DGKD: variants seen among roughly 807,000 people sequenced by gnomAD.
DGKD encodes diacylglycerol kinase delta.
A neutral mutation model predicts 154.4 loss-of-function variants in DGKD; 68 were observed. The ratio of observed to expected loss-of-function variants is 0.44; its 90% confidence interval spans 0.36 to 0.54. The LOEUF (loss-of-function observed/expected upper bound fraction) is 0.54, where lower values mean the gene tolerates loss of function less well. Ranked by LOEUF, DGKD falls within the 20% of genes least tolerant of loss-of-function variation. DGKD has a pLI of 0.00. For missense variants in DGKD, 1,343 were observed against 1,593.6 expected (o/e 0.84, Z 2.68); for synonymous variants, 693 against 638.0 (o/e 1.09, Z -1.30).
intron 3 of DGKD, among the ~76,000 whole-genome samples, chr2:233,397,932 G>A (rs567339182): frequency 6.6e-6 from 1 of 152,124 alleles, no homozygotes; most frequent in Non-Finnish European, 1.5e-5. Context: ...GGGGCTGTGG[G>A]GTGGTGGGGG....
chr2:233,404,798 G>A (rs1378275947), intron 3 of DGKD, among the ~76,000 whole-genome samples: 1 of 152,162 alleles, frequency 6.6e-6, no homozygotes, highest in East Asian at 1.9e-4. Flanking sequence ...AGCAGACATT[G>A]GGTGAACGTC....
intron 1 of DGKD, among the ~76,000 whole-genome samples, chr2:233,363,629 C>G (rs990381023): frequency 2.0e-5 from 3 of 152,180 alleles, no homozygotes; most frequent in South Asian, 2.1e-4. Context: ...ACCAGTCATT[C>G]ACTCACTCAT....
chr2:233,449,486 T>TG lies in DGKD; in HGVS notation c.1888+111dup. Reference sequence around the variant, plus strand: ...GGGTGCATGTTGAGAAAACCTCCACTGCGGCCCTCTCCACCCATGTCCAGG... The same window carrying TG: ...GGGTGCATGTTGAGAAAACCTCCACTGGCGGCCCTCTCCACCCATGTCCAGG... On this transcript the variant is annotated intron_variant, in intron 15 of 29. Coordinates refer to ENST00000264057, the MANE Select transcript of DGKD (RefSeq NM_152879.3). The surrounding 1 kb of genome is among the most constrained non-coding windows in gnomAD (Gnocchi z 5.3). 7.1e-7 allele frequency: 1 copy of TG among 1,404,934 alleles called. No homozygotes were observed. The highest frequency in any genetic ancestry group is 9.4e-7 in the Non-Finnish European group (1 of 1,061,038). The allele number at this position is 1,404,934 out of a possible 1,614,324, so 87.0% of individuals were successfully genotyped here. A position where few individuals can be genotyped will look rare whatever the true frequency, so the allele number is the denominator to read the frequency against.
Position 233,459,670 on chromosome 2 carries a change from G to T in DGKD, c.2695-87G>T, listed in dbSNP as rs1389667505. 1.3e-6 allele frequency: 2 copies of T among 1,530,918 alleles called. No individual in the cohort carries two copies. Among genetic ancestry groups the T allele is most frequent in the Admixed American group, 1.9e-5 (1 of 53,686 alleles). The allele number at this position is 1,530,918 out of a possible 1,614,324, so 94.8% of individuals were successfully genotyped here. A position where few individuals can be genotyped will look rare whatever the true frequency, so the allele number is the denominator to read the frequency against. ...TGCAAGGCAGGGACGGGTGTGTGGA[G>T]CAGGAAGGTCATGGTGGTGCTGATA... is the stretch of plus-strand genomic sequence containing the variant. On this transcript the variant is annotated intron_variant, in intron 22 of 29. Coordinates refer to ENST00000264057, the MANE Select transcript of DGKD (RefSeq NM_152879.3). The surrounding 1 kb of genome is among the most constrained non-coding windows in gnomAD (Gnocchi z 5.7).
intron 24 of DGKD, among the ~76,000 whole-genome samples, chr2:233,461,154 C>T (rs918809011): frequency 1.3e-5 from 2 of 152,254 alleles, no homozygotes; most frequent in African/African-American, 2.4e-5. Flanking sequence ...CCGCCAGGTG[C>T]GGGTTCCGCC....
chr2:233,414,174 G>T (rs2061899330), intron 3 of DGKD, among the ~76,000 whole-genome samples: 2 of 152,190 alleles, frequency 1.3e-5, no homozygotes, highest in Admixed American at 6.5e-5. Flanking sequence ...AGTTAAAAAA[G>T]AACAGGGTAG....
At chr2:233,454,665 C>A in intron 18 of DGKD, 98 bp from the exon 19 acceptor site, 1 of 693,060 alleles carries the variant, frequency 1.4e-6, no homozygotes, top group East Asian at 2.6e-5. Flanking sequence ...AAAAAGTTAC[C>A]AGTTTTCCCC....
intron 1 of DGKD, among the ~76,000 whole-genome samples, chr2:233,365,430 A>T (rs964727495): frequency 6.6e-6 from 1 of 151,818 alleles, no homozygotes; most frequent in Non-Finnish European, 1.5e-5. Flanking sequence ...ATAGAGATGG[A>T]GGGGGGGTCT....
intron 3 of DGKD, among the ~76,000 whole-genome samples, chr2:233,396,492 A>G (rs1704041178): frequency 6.6e-6 from 1 of 152,016 alleles, no homozygotes; most frequent in Non-Finnish European, 1.5e-5. Flanking sequence ...TCAAGCTTAT[A>G]TTCTCGTGGG....
At position 233,448,364 on chromosome 2, in the gene DGKD, A is replaced by T. The variant is rs763411510; in HGVS notation, c.1603A>T (p.Met535Leu). The T allele has an allele frequency of 3.1e-6, 5 of 1,613,912 alleles. No homozygotes were observed. The highest frequency in any genetic ancestry group is 4.2e-6 in the Non-Finnish European group (5 of 1,179,990). ...CGAGAGCTCGGAGGAGTCAGAGGTC[A>T]TGGCCAAGAAGGTCTGTTCCCGTGC... The part of the protein sequence containing the change: ...TTESSEESEV[M>L]AKKCSVLKEK... The change falls in exon 14 of 30, where the codon ATG becomes TTG. Residue 535 changes from methionine to leucine, a missense_variant. Met to Leu is a conservative substitution (Grantham distance 15). Around this residue, in one of 6 missense-constraint regions of DGKD, gnomAD observed 409 missense variants for 446.0 expected, o/e 0.92. Coordinates refer to ENST00000264057, the MANE Select transcript of DGKD (RefSeq NM_152879.3).
intron 3 of DGKD, among the ~76,000 whole-genome samples, chr2:233,401,513 G>A (rs1161991079): frequency 6.6e-6 from 1 of 152,050 alleles, no homozygotes; most frequent in East Asian, 1.9e-4. Context: ...CTACTCCCTG[G>A]GTCATGGCAA....
At chr2:233,411,978 T>C (rs2061841319) in intron 3 of DGKD, among the ~76,000 whole-genome samples, 1 of 152,224 alleles carries the variant, frequency 6.6e-6, no homozygotes. Flanking sequence ...TTGAACTATA[T>C]TATGTCTGCC....
At position 233,459,339 on chromosome 2, in the gene DGKD, T is replaced by C. The variant is rs1276083733; in HGVS notation, c.2695-418T>C. Among the ~76,000 whole-genome samples the C allele has an allele frequency of 2.0e-5, 3 of 152,110 alleles. No homozygotes were observed. Among genetic ancestry groups the C allele is most frequent in the Non-Finnish European group, 4.4e-5 (3 of 68,016 alleles). On this transcript the variant is annotated intron_variant, in intron 22 of 29. Coordinates refer to ENST00000264057, the MANE Select transcript of DGKD (RefSeq NM_152879.3). The surrounding 1 kb of genome is among the most constrained non-coding windows in gnomAD (Gnocchi z 5.7). ...CACAATTTTCACTCTTTGGCAATGT[T>C]TGTTGTTGAAAAGGAGGAACGGGAT...
At chr2:233,451,152 C>T (rs2063276217) in intron 17 of DGKD, 102 bp downstream of exon 17, 1 of 1,303,560 alleles carries the variant, frequency 7.7e-7, no homozygotes, top group Non-Finnish European at 1.0e-6. Flanking sequence ...AGTTTACAGG[C>T]CCCTGAGAAA....
At chr2:233,383,044 CT>C (rs1295590779) in intron 1 of DGKD, among the ~76,000 whole-genome samples, 300 of 141,416 alleles carry the variant, frequency 2.1e-3, no homozygotes, top group Middle Eastern at 3.6e-3. Context: ...TTCTTTCTTT[CT>C]TTTTTTTTTT....
At chr2:233,442,372 G>C in intron 10 of DGKD, 1 of 344,018 alleles carries the variant, frequency 2.9e-6, no homozygotes, top group South Asian at 2.7e-5. Context: ...TCTCAAGTCA[G>C]AGTCATGGTT....
intron 19 of DGKD, among the ~76,000 whole-genome samples, chr2:233,455,915 C>T (rs1005790630): frequency 6.6e-6 from 1 of 152,208 alleles, no homozygotes; most frequent in Non-Finnish European, 1.5e-5. Flanking sequence ...AGGGACATAT[C>T]CCTGTACAGC....
intron 3 of DGKD, among the ~76,000 whole-genome samples, chr2:233,392,811 C>T (rs983428613): frequency 2.1e-4 from 32 of 152,278 alleles, no homozygotes; most frequent in African/African-American, 7.2e-4. Context: ...AATTTACTTT[C>T]CCACAAATTT....
chr2:233,383,616 G>A (rs1703012175), intron 1 of DGKD, among the ~76,000 whole-genome samples: 1 of 152,148 alleles, frequency 6.6e-6, no homozygotes, highest in Non-Finnish European at 1.5e-5. Context: ...GCCTTTTGCT[G>A]TAGCGCACCC....
Sources: allele counts gnomAD v4.1 joint callset (sites outside exome capture counted in the v4.1 genomes callset), GRCh38; gene constraint gnomAD v4.1.1; regional missense constraint gnomAD v4.1.1; non-coding constraint Gnocchi (gnomAD v3.1); transcripts MANE v1.5; gene names NCBI Gene and HGNC (gene_info 2026-07-23, HGNC 2026-07-21).